XIRP2: variants seen among roughly 807,000 people sequenced by gnomAD.
XIRP2 encodes xin actin-binding repeat-containing protein 2.
In XIRP2, 236 loss-of-function variants were observed where a neutral mutation model predicts 277.0. The observed-to-expected ratio is 0.85, with a 90% CI of 0.77 to 0.95. The LOEUF (loss-of-function observed/expected upper bound fraction) is 0.95. Among genes scored for constraint, XIRP2 ranks in the 40% least tolerant of loss-of-function variants. The pLI, the probability that XIRP2 is intolerant of heterozygous loss-of-function variation, is 0.00. For synonymous variants in XIRP2, 1,490 were observed against 1,416.5 expected (o/e 1.05, Z -1.17); for missense variants, 4,640 against 4,157.5 (o/e 1.12, Z -3.19).
At chr2:167,002,053 A>G (rs751733267) in intron 2 of XIRP2, among the ~76,000 whole-genome samples, 2 of 152,132 alleles carry the variant, frequency 1.3e-5, no homozygotes, top group African/African-American at 2.4e-5. Flanking sequence ...TTAATTCTTT[A>G]CAAAATTACA....
intron 3 of XIRP2, among the ~76,000 whole-genome samples, chr2:167,208,420 G>A (rs1246337189): frequency 6.6e-6 from 1 of 152,130 alleles, no homozygotes; most frequent in African/African-American, 2.4e-5. Context: ...CCATTCTCCT[G>A]CCTCAGCCTC....
At chr2:167,098,670 T>C (rs1402484520) in intron 2 of XIRP2, among the ~76,000 whole-genome samples, 1 of 152,238 alleles carries the variant, frequency 6.6e-6, no homozygotes, top group Non-Finnish European at 1.5e-5. Context: ...TTTCCTCATC[T>C]TCATGGATTT....
chr2:167,237,877 TAA>T (rs1694949194), intron 5 of XIRP2, among the ~76,000 whole-genome samples: 1 of 152,212 alleles, frequency 6.6e-6, no homozygotes, highest in South Asian at 2.1e-4. Flanking sequence ...GTCACAGAGG[TAA>T]AGAGCTGTCA....
rs148770164 is a variant in XIRP2 at position 167,112,069 on chromosome 2, C to A, written c.409-23840C>A. 3.3e-3 allele frequency among the ~76,000 whole-genome samples: 508 copies of A among 152,178 alleles called. 4 individuals carry two copies. Among genetic ancestry groups the A allele is most frequent in the Middle Eastern group, 0.017 (5 of 294 alleles). ...CTTCTCTCTTTTTTGCTTTACTAAT[C>A]TAACTAGTGTTTTATCTATCTTATT... On this transcript the variant is annotated intron_variant, in intron 2 of 10. Coordinates refer to ENST00000409195, the MANE Select transcript of XIRP2 (RefSeq NM_152381.6).
chr2:167,203,584 C>T (rs1337335184), intron 3 of XIRP2, among the ~76,000 whole-genome samples: 1 of 152,116 alleles, frequency 6.6e-6, no homozygotes, highest in Non-Finnish European at 1.5e-5. Context: ...TTTATTCCCT[C>T]GCCCTTCTTC....
At chr2:166,986,291 AGAGT>A (rs1467942103) in intron 2 of XIRP2, among the ~76,000 whole-genome samples, 1 of 152,238 alleles carries the variant, frequency 6.6e-6, no homozygotes, top group Non-Finnish European at 1.5e-5. Context: ...TCTTCAATAT[AGAGT>A]GAGACTCATC....
At chr2:166,917,738 A>C (rs141079967) in intron 2 of XIRP2, among the ~76,000 whole-genome samples, 163 of 152,226 alleles carry the variant, frequency 1.1e-3, no homozygotes, top group Non-Finnish European at 1.8e-3. Flanking sequence ...TACTCAGTAG[A>C]CTAGTGAGGG....
chr2:166,956,159 G>A (rs1686156465), intron 2 of XIRP2, among the ~76,000 whole-genome samples: 1 of 151,714 alleles, frequency 6.6e-6, no homozygotes, highest in Admixed American at 6.6e-5. Context: ...TATATGCTTT[G>A]CTGTTTGTGT....
chr2:167,099,523 C>T (rs558940827), intron 2 of XIRP2, among the ~76,000 whole-genome samples: 2 of 151,640 alleles, frequency 1.3e-5, no homozygotes, highest in Admixed American at 1.3e-4. Flanking sequence ...GTGAACAGTT[C>T]TGTCTCTCTG....
In XIRP2 at chr2:167,251,829, T is replaced by C. The variant is rs1478158538; in HGVS notation, c.10437T>C (p.Asn3479=). 4 of 1,613,094 alleles carry C rather than the reference T, an allele frequency of 2.5e-6. No individual in the cohort carries two copies. Among genetic ancestry groups the C allele is most frequent in the Non-Finnish European group, 3.4e-6 (4 of 1,179,526 alleles). The change falls in exon 9 of 11, where the codon AAT becomes AAC. Residue 3479 remains asparagine (N), a synonymous_variant. Transcript: ENST00000409195. ...ATTCACCTAAAGAAGTAAGAAAAAA[T>C]TTTCAAAAGACGTGGCAAGAGAGTG... ...ISDSPKEVRK[N]FQKTWQESGR... is the part of the protein sequence containing the mutation.
chr2:167,164,996 T>C (rs1692478388), intron 3 of XIRP2, among the ~76,000 whole-genome samples: 1 of 152,176 alleles, frequency 6.6e-6, no homozygotes, highest in Admixed American at 6.5e-5. Flanking sequence ...TGTTTATCCT[T>C]CCTTCCTCCC....
chr2:167,134,672 C>T (rs1362064944), intron 2 of XIRP2, among the ~76,000 whole-genome samples: 1 of 152,110 alleles, frequency 6.6e-6, no homozygotes, highest in East Asian at 1.9e-4. Flanking sequence ...TCTGTCTTTT[C>T]CTAAATATAT....
At chr2:166,999,683 A>T (rs2105453466) in intron 2 of XIRP2, among the ~76,000 whole-genome samples, 1 of 152,286 alleles carries the variant, frequency 6.6e-6, no homozygotes, top group South Asian at 2.1e-4. Flanking sequence ...CTTAAAATAA[A>T]TGATTTAATT....
chr2:167,025,941 G>A (rs1688142548), intron 2 of XIRP2, among the ~76,000 whole-genome samples: 2 of 152,096 alleles, frequency 1.3e-5, no homozygotes, highest in South Asian at 4.2e-4. Context: ...GTTGATTTGG[G>A]GTGGAGAGTT....
chr2:167,244,376 T>C lies in XIRP2; in HGVS notation c.2984T>C (p.Leu995Pro), dbSNP rs755272337. The C allele has an allele frequency of 1.3e-5, 21 of 1,613,398 alleles. No individual in the cohort carries two copies. The Admixed American group carries it at 3.5e-4, about 27-fold the overall frequency. The change falls in exon 9 of 11, where the codon CTT (leucine) becomes CCT (proline). Residue 995 changes from leucine to proline, a missense_variant. Transcript: ENST00000409195. ...TTPLYAIQDPLGKYHQVKTVQ... is the reference protein window; with the variant it reads ...TTPLYAIQDPPGKYHQVKTVQ... ...CCACTGTATGCCATTCAAGATCCCC[T>C]TGGAAAATATCATCAAGTAAAGACA...
intron 2 of XIRP2, among the ~76,000 whole-genome samples, chr2:166,910,808 T>C (rs978128386): frequency 6.6e-6 from 1 of 152,234 alleles, no homozygotes; most frequent in African/African-American, 2.4e-5. Context: ...TTCTGGTATG[T>C]TGTGTCTTTG....
At chr2:167,255,667 G>A (rs898497155) in intron 10 of XIRP2, among the ~76,000 whole-genome samples, 2 of 151,654 alleles carry the variant, frequency 1.3e-5, no homozygotes, top group South Asian at 2.1e-4. Context: ...ACTACATACC[G>A]TGTTATCTCC....
chr2:166,932,775 C>T (rs1355423857), intron 2 of XIRP2, among the ~76,000 whole-genome samples: 1 of 152,116 alleles, frequency 6.6e-6, no homozygotes, highest in Non-Finnish European at 1.5e-5. Flanking sequence ...TGCTGCAACA[C>T]CACCGCTTGA....
chr2:167,020,667 A>G (rs1263072885), intron 2 of XIRP2, among the ~76,000 whole-genome samples: 1 of 152,028 alleles, frequency 6.6e-6, no homozygotes, highest in Non-Finnish European at 1.5e-5. Context: ...AGTTTCAAAT[A>G]TCTATACTGG....
Sources: allele counts gnomAD v4.1 joint callset (sites outside exome capture counted in the v4.1 genomes callset), GRCh38; gene constraint gnomAD v4.1.1; transcripts MANE v1.5; gene names NCBI Gene and HGNC (gene_info 2026-07-23, HGNC 2026-07-21).